The following FOXN3 variants were observed in gnomAD, a reference collection of about 807,000 sequenced individuals.
The protein encoded by FOXN3 is forkhead box protein N3.
Under a neutral mutation model 38.4 loss-of-function variants are expected in FOXN3, and 7 were observed. The observed-to-expected ratio is 0.18, with a 90% CI of 0.10 to 0.34. The LOEUF (loss-of-function observed/expected upper bound fraction) is 0.34, where lower values mean the gene tolerates loss of function less well. Among genes scored for constraint, FOXN3 ranks in the 10% least tolerant of loss-of-function variants. The pLI is 1.00. For missense variants in FOXN3, 456 were observed against 613.4 expected (o/e 0.74, Z 2.71); for synonymous variants, 230 against 242.2 (o/e 0.95, Z 0.47).
At chr14:89,173,289 A>T (rs146678265) in intron 5 of FOXN3, among the ~76,000 whole-genome samples, 21 of 152,376 alleles carry the variant, frequency 1.4e-4, no homozygotes, top group African/African-American at 4.6e-4. Flanking sequence ...ATTGGTTGAA[A>T]TGACAAAGCA....
chr14:89,467,804 GTTTTTTTTTTTTTTT>G (rs68132432), intron 1 of FOXN3, among the ~76,000 whole-genome samples: 2 of 56,578 alleles, frequency 3.5e-5, no homozygotes, highest in Non-Finnish European at 6.2e-5. Context: ...TTCTTTCTTT[GTTTTTTTTTTTTTTT>G]TTTTTTTTTG....
intron 4 of FOXN3, among the ~76,000 whole-genome samples, chr14:89,191,463 TACTGCCTCTGTGTCCGCCAA>T (rs1404562228): frequency 1.3e-5 from 2 of 152,194 alleles, no homozygotes; most frequent in Admixed American, 1.3e-4. Flanking sequence ...CCTTGCAGAT[TACTGCCTCTGTGTCCGCCAA>T]ACCCAATGAC....
intron 5 of FOXN3, among the ~76,000 whole-genome samples, chr14:89,166,197 C>A (rs1458058846): frequency 6.6e-6 from 1 of 151,984 alleles, no homozygotes; most frequent in Non-Finnish European, 1.5e-5. Context: ...TAAACGTGAG[C>A]TCCACACTAT....
intron 2 of FOXN3, among the ~76,000 whole-genome samples, chr14:89,377,019 T>TAAAAAAAAAAA (rs1566971975): frequency 1.2e-4 from 2 of 17,016 alleles, no homozygotes; most frequent in African/African-American, 2.1e-4. Flanking sequence ...AGACTCTGTC[T>TAAAAAAAAAAA]CAAAAAAAAA....
chr14:89,495,317 T>G (rs1596296891), intron 1 of FOXN3, among the ~76,000 whole-genome samples: 2 of 152,330 alleles, frequency 1.3e-5, no homozygotes, highest in Admixed American at 1.3e-4. Context: ...ACTTTATTTG[T>G]GGGGATTATG....
intron 4 of FOXN3, among the ~76,000 whole-genome samples, chr14:89,207,310 G>A (rs939831222): frequency 2.6e-5 from 4 of 151,348 alleles, no homozygotes; most frequent in Non-Finnish European, 2.9e-5. Flanking sequence ...CAGTTACAAC[G>A]TATGGAACTT....
intron 1 of FOXN3, among the ~76,000 whole-genome samples, chr14:89,573,648 C>T (rs948412115): frequency 6.6e-5 from 10 of 152,136 alleles, no homozygotes; most frequent in African/African-American, 2.4e-4. Flanking sequence ...AAAGTTTGCA[C>T]ATAGACAATA....
At chr14:89,192,643 TTA>T (rs1365209254) in intron 4 of FOXN3, among the ~76,000 whole-genome samples, 4 of 140,944 alleles carry the variant, frequency 2.8e-5, no homozygotes, top group African/African-American at 5.1e-5. Context: ...TATATAAATC[TTA>T]TATAGTTTAT....
chr14:89,182,006 C>A (rs1887686762), intron 4 of FOXN3, among the ~76,000 whole-genome samples: 1 of 152,102 alleles, frequency 6.6e-6, no homozygotes, highest in Non-Finnish European at 1.5e-5. Flanking sequence ...CTGGCTGTGC[C>A]CATATAGTCC....
intron 2 of FOXN3, among the ~76,000 whole-genome samples, chr14:89,365,376 A>T (rs1596230067): frequency 6.6e-6 from 1 of 152,330 alleles, no homozygotes; most frequent in African/African-American, 2.4e-5. Flanking sequence ...TCAATCATAA[A>T]ATGATCATGA....
At chr14:89,391,412 T>A (rs1432879326) in intron 2 of FOXN3, among the ~76,000 whole-genome samples, 1 of 152,174 alleles carries the variant, frequency 6.6e-6, no homozygotes, top group African/African-American at 2.4e-5. Flanking sequence ...TCCCTCTGCC[T>A]CTGTACCAAG....
At chr14:89,360,350 AAGGG>A (rs55922140) in intron 2 of FOXN3, among the ~76,000 whole-genome samples, 83,950 of 135,030 alleles carry the variant, frequency 0.62, 26,284 homozygotes, top group East Asian at 0.68. Context: ...GAGAAAGAGA[AAGGG>A]AGGGAGGGAG....
At chr14:89,609,901 G>T (rs1371493560) in intron 1 of FOXN3, among the ~76,000 whole-genome samples, 1 of 151,772 alleles carries the variant, frequency 6.6e-6, no homozygotes, top group East Asian at 1.9e-4. Flanking sequence ...GGGCGGGGGC[G>T]GCGGCGGCTG....
chr14:89,424,960 G>A (rs1012460516), intron 1 of FOXN3, among the ~76,000 whole-genome samples: 3 of 151,804 alleles, frequency 2.0e-5, no homozygotes, highest in African/African-American at 4.8e-5. Context: ...AGGGATATTC[G>A]TGATGCTTAT....
intron 4 of FOXN3, among the ~76,000 whole-genome samples, chr14:89,227,735 C>T (rs552181181): frequency 1.3e-5 from 2 of 152,276 alleles, no homozygotes; most frequent in Admixed American, 6.5e-5. Flanking sequence ...CAGAAGGCTC[C>T]GTCTTAGCAG....
chr14:89,436,976 G>C (rs141601762), intron 1 of FOXN3, among the ~76,000 whole-genome samples: 2,095 of 152,044 alleles, frequency 0.014, 47 homozygotes, highest in African/African-American at 0.048. Flanking sequence ...GTGAAACCCC[G>C]TCTCTACTAA....
chr14:89,556,853 G>C (rs1895138516), intron 1 of FOXN3, among the ~76,000 whole-genome samples: 2 of 152,202 alleles, frequency 1.3e-5, no homozygotes. Flanking sequence ...GAAAGGGATG[G>C]GAAGAGCTGT....
At chr14:89,514,277 T>C (rs145070220) in intron 1 of FOXN3, among the ~76,000 whole-genome samples, 1 of 152,332 alleles carries the variant, frequency 6.6e-6, no homozygotes, top group African/African-American at 2.4e-5. Context: ...CCAGTCATGC[T>C]TCTGGGCGGC....
chr14:89,336,220 A>ATCCATCCATCCATCCG (rs1370163473), intron 3 of FOXN3, among the ~76,000 whole-genome samples: 3 of 148,784 alleles, frequency 2.0e-5, no homozygotes, highest in South Asian at 2.2e-4. Context: ...CGGTGCCTCC[A>ATCCATCCATCCATCCG]TCCATCCATC....
Sources: gnomAD v4.1 joint callset for allele counts (sites outside exome capture counted in the v4.1 genomes callset) on GRCh38, gnomAD v4.1.1 for gene constraint, MANE v1.5 for transcripts, NCBI Gene and HGNC (gene_info 2026-07-23, HGNC 2026-07-21) for gene names.